Variants in TCERG1 observed in about 807,000 individuals in gnomAD.
TCERG1 encodes the protein transcription elongation regulator 1, also known as TATA box binding protein (TBP)-associated factor, RNA polymerase II, S, 150kD.
A neutral mutation model predicts 144.7 loss-of-function variants in TCERG1; 37 were observed. That is an observed-to-expected ratio of 0.26 (90% confidence interval 0.20 to 0.34). The LOEUF (loss-of-function observed/expected upper bound fraction) is 0.34. TCERG1 is among the 10% of genes least tolerant of loss of function. The pLI is 1.00. For synonymous variants in TCERG1, 492 were observed against 458.2 expected (o/e 1.07, Z -0.94); for missense variants, 1,027 against 1,380.7 (o/e 0.74, Z 4.06).
At chr5:146,495,445 TC>T (rs1250456543) in intron 16 of TCERG1, among the ~76,000 whole-genome samples, 2 of 152,224 alleles carry the variant, frequency 1.3e-5, no homozygotes, top group African/African-American at 4.8e-5. Context: ...CTACATATGA[TC>T]CCTTTTCTGG....
intron 19 of TCERG1, among the ~76,000 whole-genome samples, chr5:146,505,950 T>C (rs540014330): frequency 2.0e-5 from 3 of 152,094 alleles, no homozygotes; most frequent in Non-Finnish European, 4.4e-5. Context: ...CTCATTTTTG[T>C]ATTTTTAGTA....
intron 17 of TCERG1, 43 bp downstream of exon 17, chr5:146,498,729 G>C (rs758341211): frequency 1.3e-6 from 2 of 1,577,666 alleles, no homozygotes; most frequent in African/African-American, 2.7e-5. Context: ...ATGGGAGTGT[G>C]AATGGGAAAG....
chr5:146,466,776 T>C (rs1402802257), intron 5 of TCERG1, among the ~76,000 whole-genome samples: 1 of 152,214 alleles, frequency 6.6e-6, no homozygotes, highest in African/African-American at 2.4e-5. Flanking sequence ...AACTGATTTT[T>C]AATAATGGTG....
chr5:146,488,469 T>C (rs1766069614), intron 15 of TCERG1, among the ~76,000 whole-genome samples: 1 of 152,008 alleles, frequency 6.6e-6, no homozygotes, highest in Admixed American at 6.5e-5. Context: ...AATAAATATA[T>C]GAAAAAATGC....
intron 11 of TCERG1, 54 bp from the exon 12 acceptor site, chr5:146,479,974 G>A: frequency 1.9e-6 from 3 of 1,593,128 alleles, no homozygotes; most frequent in Non-Finnish European, 2.6e-6. Context: ...TGTTCTGGTA[G>A]TGATTAGCAG....
At chr5:146,479,517 T>TTTTGTTTTTCGTGAA (rs1765155726) in intron 10 of TCERG1, among the ~76,000 whole-genome samples, 1 of 152,198 alleles carries the variant, frequency 6.6e-6, no homozygotes, top group African/African-American at 2.4e-5. Context: ...TGTGATTTTC[T>TTTTGTTTTTCGTGAA]TTTGTTTTTC....
intron 17 of TCERG1, 64 bp downstream of exon 17, chr5:146,498,750 G>A: frequency 6.6e-7 from 1 of 1,513,882 alleles, no homozygotes; most frequent in Non-Finnish European, 8.8e-7. Context: ...GTCTATGCTG[G>A]TGTTATGTTT....
chr5:146,461,989 A>G (rs754019081), intron 4 of TCERG1: 9 of 152,620 alleles, frequency 5.9e-5, no homozygotes, highest in Admixed American at 5.9e-4. Context: ...CTGTTATAAA[A>G]TTATATTAAT....
chr5:146,486,299 G>T (rs1349961574), intron 15 of TCERG1, among the ~76,000 whole-genome samples: 1 of 152,096 alleles, frequency 6.6e-6, no homozygotes, highest in Admixed American at 6.5e-5. Flanking sequence ...GTAGATTCGT[G>T]TACATTCTGT....
At chr5:146,509,426 T>A (rs946819685) in intron 22 of TCERG1, among the ~76,000 whole-genome samples, 181 bp downstream of exon 22, 2 of 151,518 alleles carry the variant, frequency 1.3e-5, no homozygotes, top group Non-Finnish European at 2.9e-5. Flanking sequence ...TTTTTTTTTT[T>A]AAAGAAAGGG....
At chr5:146,505,808 C>T (rs535870034) in intron 19 of TCERG1, among the ~76,000 whole-genome samples, 1 of 152,264 alleles carries the variant, frequency 6.6e-6, no homozygotes, top group South Asian at 2.1e-4. Flanking sequence ...GATGGAGTCT[C>T]ACTCTGTCAC....
intron 16 of TCERG1, among the ~76,000 whole-genome samples, chr5:146,498,223 G>A (rs561400854): frequency 2.0e-5 from 3 of 151,928 alleles, no homozygotes; most frequent in Non-Finnish European, 2.9e-5. Context: ...TAGCTTCATC[G>A]CAGAGTGGAA....
At chr5:146,454,758 T>C (rs1044621427) in intron 1 of TCERG1, among the ~76,000 whole-genome samples, 1 of 152,058 alleles carries the variant, frequency 6.6e-6, no homozygotes, top group African/African-American at 2.4e-5. Context: ...CCTCCATACC[T>C]GGCTGATTTT....
intron 15 of TCERG1, among the ~76,000 whole-genome samples, chr5:146,487,350 A>G (rs1044824113): frequency 1.3e-5 from 2 of 152,200 alleles, no homozygotes; most frequent in South Asian, 2.1e-4. Context: ...ATGGATCAGA[A>G]TAATTAATAT....
chr5:146,492,621 C>T (rs554983245), intron 15 of TCERG1, among the ~76,000 whole-genome samples: 1 of 152,128 alleles, frequency 6.6e-6, no homozygotes. Flanking sequence ...GATTTCTCTT[C>T]CGCATTTCTA....
intron 8 of TCERG1, 97 bp downstream of exon 8, chr5:146,470,845 G>T: frequency 1.2e-6 from 1 of 847,832 alleles, no homozygotes; most frequent in Non-Finnish European, 1.7e-6. Flanking sequence ...AAAAATAATT[G>T]TTATAAATTT....
rs543467832 is a variant in TCERG1, at chr5:146,457,080, T to C, written c.286-103T>C. The C allele has an allele frequency of 1.6e-5, 23 of 1,460,098 alleles. No homozygotes were observed. The African/African-American group carries it at 2.1e-4, about 13-fold the overall frequency. The allele number at this position is 1,460,098 out of a possible 1,614,324, so 90.4% of individuals were successfully genotyped here. A position where few individuals can be genotyped will look rare whatever the true frequency, so the allele number is the denominator to read the frequency against. On this transcript the variant is annotated intron_variant, in intron 2 of 22. Coordinates refer to ENST00000679501, the MANE Select transcript of TCERG1 (RefSeq NM_001382548.1). ...CAGGTGAATGTGTTTGAATAGACTATAAAACTAGTTTCTCTTACAGTGTTT... is the reference window on the plus strand; with the variant it reads ...CAGGTGAATGTGTTTGAATAGACTACAAAACTAGTTTCTCTTACAGTGTTT...
At chr5:146,477,719 A>G (rs1348815051) in intron 9 of TCERG1, among the ~76,000 whole-genome samples, 1 of 100,530 alleles carries the variant, frequency 9.9e-6, no homozygotes, top group East Asian at 3.8e-4. Context: ...TTTTTTTGAG[A>G]CTGGGTCTCA....
At position 146,457,845 on chromosome 5, in the gene TCERG1, TG is replaced by T. The variant is rs1413252832; in HGVS notation, c.438+511del. On this transcript the variant is annotated intron_variant, in intron 3 of 22. Coordinates refer to ENST00000679501, the MANE Select transcript of TCERG1 (RefSeq NM_001382548.1). The stretch of plus-strand genomic sequence containing the variant: ...GCTGTGGGGTGGAATTACCTATTTT[TG>T]TTGTTTTGTTTTTGTTTTTTGAGAT... 3.3e-5 allele frequency among the ~76,000 whole-genome samples: 5 copies of T among 152,206 alleles called. No homozygotes were observed. The East Asian group carries it at 9.6e-4, about 29-fold the overall frequency.
Sources: gnomAD v4.1 joint callset for allele counts (sites outside exome capture counted in the v4.1 genomes callset) on GRCh38, gnomAD v4.1.1 for gene constraint, MANE v1.5 for transcripts, NCBI Gene and HGNC (gene_info 2026-07-23, HGNC 2026-07-21) for gene names.